ASIC2: variants seen among roughly 807,000 people sequenced by gnomAD.
ASIC2 encodes acid sensing ion channel subunit 2, also known as acid-sensing ion channel 2.
Under a neutral mutation model 57.3 loss-of-function variants are expected in ASIC2, and 25 were observed. The ratio of observed to expected loss-of-function variants is 0.44; its 90% confidence interval spans 0.32 to 0.61. The LOEUF is 0.61. Among genes scored for constraint, ASIC2 ranks in the 20% least tolerant of loss-of-function variants. The pLI, the probability that ASIC2 is intolerant of heterozygous loss-of-function variation, is 0.06. For synonymous variants in ASIC2, 319 were observed against 307.5 expected, an observed-to-expected ratio of 1.04 and a Z score of -0.39; for missense variants, 641 against 738.1, an observed-to-expected ratio of 0.87 and a Z score of 1.52.
intron 1 of ASIC2, among the ~76,000 whole-genome samples, chr17:33,675,215 C>T (rs909042082): frequency 6.6e-6 from 1 of 152,210 alleles, no homozygotes; most frequent in East Asian, 1.9e-4. Flanking sequence ...TCTCTTTTCA[C>T]CTGTCATGCT....
At chr17:33,915,348 C>G (rs544779901) in intron 1 of ASIC2, among the ~76,000 whole-genome samples, 121 of 152,318 alleles carry the variant, frequency 7.9e-4, no homozygotes, top group South Asian at 3.1e-3. Context: ...GGCCCCACCT[C>G]CCTCCAGGGC....
chr17:33,497,180 CAATG>C (rs1006837228), intron 1 of ASIC2, among the ~76,000 whole-genome samples: 1 of 152,202 alleles, frequency 6.6e-6, no homozygotes. Flanking sequence ...TCCCCTTCTT[CAATG>C]AATGAATGAA....
chr17:33,892,270 G>A (rs758966259), intron 1 of ASIC2, among the ~76,000 whole-genome samples: 2 of 152,176 alleles, frequency 1.3e-5, no homozygotes, highest in African/African-American at 4.8e-5. Context: ...TGGGGAAGGA[G>A]AAATATTAGG....
intron 1 of ASIC2, among the ~76,000 whole-genome samples, chr17:33,784,665 A>C (rs1012084658): frequency 6.6e-6 from 1 of 152,250 alleles, no homozygotes; most frequent in Non-Finnish European, 1.5e-5. Context: ...AAGATATTTT[A>C]CATTTTTTTC....
At position 33,555,123 on chromosome 17, in the gene ASIC2, G is replaced by A. The variant is rs558209446; in HGVS notation, c.556-443056C>T. On this transcript the variant is annotated intron_variant, in intron 1 of 9. Transcript: ENST00000359872. ...CATGTCTCTTCCGGGTTTCACAATGGTCAGATGTCTCAGAAAGTTATGGGC... is the reference window on the plus strand; with the variant it reads ...CATGTCTCTTCCGGGTTTCACAATGATCAGATGTCTCAGAAAGTTATGGGC... Among the ~76,000 whole-genome samples, 5 of 152,252 alleles carry A rather than the reference G, an allele frequency of 3.3e-5. No homozygotes were observed. In the South Asian group the frequency reaches 1.0e-3, roughly 32 times the overall value.
intron 1 of ASIC2, among the ~76,000 whole-genome samples, chr17:33,930,908 T>C (rs559874294): frequency 1.3e-5 from 2 of 152,152 alleles, no homozygotes; most frequent in African/African-American, 4.8e-5. Flanking sequence ...TTTATTTGTT[T>C]GTTTGTTTGT....
intron 1 of ASIC2, among the ~76,000 whole-genome samples, chr17:33,858,102 C>T (rs1354143762): frequency 6.6e-6 from 1 of 152,192 alleles, no homozygotes; most frequent in Non-Finnish European, 1.5e-5. Flanking sequence ...GGTGGAGACT[C>T]TCCTCTGTCT....
intron 1 of ASIC2, among the ~76,000 whole-genome samples, chr17:33,304,318 G>T (rs888006767): frequency 6.6e-6 from 1 of 152,202 alleles, no homozygotes; most frequent in Admixed American, 6.5e-5. Context: ...GCGAGACAGG[G>T]TTTAGTTACA....
chr17:33,442,921 T>C (rs1037598627), intron 1 of ASIC2, among the ~76,000 whole-genome samples: 1 of 152,246 alleles, frequency 6.6e-6, no homozygotes, highest in Admixed American at 6.5e-5. Context: ...TTTTCATAGA[T>C]GTCTTTATTC....
chr17:33,715,422 G>T (rs796124278), intron 1 of ASIC2, among the ~76,000 whole-genome samples: 24 of 152,294 alleles, frequency 1.6e-4, no homozygotes, highest in African/African-American at 5.8e-4. Context: ...GTGCCCATGG[G>T]CAGGATTAGG....
chr17:33,220,861 A>T (rs1451774996), intron 1 of ASIC2, among the ~76,000 whole-genome samples: 1 of 152,162 alleles, frequency 6.6e-6, no homozygotes, highest in Non-Finnish European at 1.5e-5. Context: ...TGATCCCAGG[A>T]GTTTGAGACC....
chr17:33,495,782 G>A (rs2141937918), intron 1 of ASIC2, among the ~76,000 whole-genome samples: 1 of 152,294 alleles, frequency 6.6e-6, no homozygotes, highest in African/African-American at 2.4e-5. Context: ...AGCATAGGGA[G>A]CCAGGCCAGT....
At chr17:33,566,962 G>A (rs1384280147) in intron 1 of ASIC2, among the ~76,000 whole-genome samples, 1 of 151,924 alleles carries the variant, frequency 6.6e-6, no homozygotes, top group East Asian at 1.9e-4. Context: ...TTTTTCCCCT[G>A]GTGAGATCAT....
chr17:33,141,100 G>A (rs2092385965), intron 1 of ASIC2, among the ~76,000 whole-genome samples: 1 of 152,024 alleles, frequency 6.6e-6, no homozygotes, highest in South Asian at 2.1e-4. Context: ...CAAGGACAGA[G>A]CTGTGTCTCT....
intron 3 of ASIC2, among the ~76,000 whole-genome samples, chr17:33,069,350 A>G (rs2092057881): frequency 6.6e-6 from 1 of 152,174 alleles, no homozygotes; most frequent in African/African-American, 2.4e-5. Context: ...CATTGGGTCA[A>G]CTTGGTTGAG....
intron 1 of ASIC2, among the ~76,000 whole-genome samples, chr17:33,184,830 A>G (rs151255987): frequency 1.3e-5 from 2 of 152,318 alleles, no homozygotes; most frequent in East Asian, 3.9e-4. Flanking sequence ...CTATATTACT[A>G]AACTTCCAGA....
At chr17:34,038,468 T>C in intron 1 of ASIC2, 1 of 1,612,290 alleles carries the variant, frequency 6.2e-7, no homozygotes, top group South Asian at 1.1e-5. Context: ...CTGGTGAATT[T>C]TCACAGCTAC....
At chr17:33,231,252 G>A (rs1908079697) in intron 1 of ASIC2, among the ~76,000 whole-genome samples, 1 of 152,188 alleles carries the variant, frequency 6.6e-6, no homozygotes, top group Admixed American at 6.5e-5. Flanking sequence ...CATCTTCCCT[G>A]CCTTTCAGAG....
rs73982411 is a variant in ASIC2 at position 33,055,684 on chromosome 17, T to C, written c.988-27292A>G. Among the ~76,000 whole-genome samples, 686 of 152,296 alleles carry C rather than the reference T, an allele frequency of 4.5e-3. 5 individuals carry two copies. The highest frequency in any genetic ancestry group is 0.015 in the African/African-American group (642 of 41,560). On this transcript the variant is annotated intron_variant, in intron 3 of 9. Transcript: ENST00000225823. ...CAGGGCTTGGTGTCTGATTTTTATA[T>C]TCAGGACGCCCTTTCTTTTTTTAAT...
Sources: gnomAD v4.1 joint callset for allele counts (sites outside exome capture counted in the v4.1 genomes callset) on GRCh38, gnomAD v4.1.1 for gene constraint, MANE v1.5 for transcripts, NCBI Gene and HGNC (gene_info 2026-07-23, HGNC 2026-07-21) for gene names.